Variants in SYNE1 observed in about 807,000 individuals in gnomAD.
SYNE1 encodes the protein spectrin repeat containing nuclear envelope protein 1, also known as nesprin-1.
SYNE1 carries 616 observed loss-of-function variants against 1,111.0 expected under a neutral mutation model. That is an observed-to-expected ratio of 0.55 (90% CI 0.52 to 0.59). The LOEUF (loss-of-function observed/expected upper bound fraction) is 0.59. Ranked by LOEUF, SYNE1 falls within the 20% of genes least tolerant of loss-of-function variation. The pLI, the probability that SYNE1 is intolerant of heterozygous loss-of-function variation, is 0.00. For missense variants in SYNE1, 10,006 were observed against 10,417.0 expected, an observed-to-expected ratio of 0.96 and a Z score of 1.72; for synonymous variants, 3,855 against 3,825.8, an observed-to-expected ratio of 1.01 and a Z score of -0.28.
chr6:152,278,815 T>G (rs1215772544), intron 97 of SYNE1, among the ~76,000 whole-genome samples: 1 of 152,094 alleles, frequency 6.6e-6, no homozygotes, highest in Non-Finnish European at 1.5e-5. Flanking sequence ...TTGCCCAGGC[T>G]GGAGTGCTTT....
At chr6:152,415,027 G>C (rs888642313) in intron 41 of SYNE1, among the ~76,000 whole-genome samples, 3 of 152,018 alleles carry the variant, frequency 2.0e-5, no homozygotes, top group African/African-American at 7.2e-5. Context: ...CTGGTTAAAA[G>C]GAAACAACCA....
chr6:152,160,850 T>C (rs905281794), intron 131 of SYNE1, among the ~76,000 whole-genome samples: 1 of 152,162 alleles, frequency 6.6e-6, no homozygotes. Flanking sequence ...TTTGCAGTTT[T>C]ACAGTGTGGC....
chr6:152,430,580 T>G lies in SYNE1; in HGVS notation c.4591A>C (p.Arg1531=). The G allele has an allele frequency of 6.2e-7, 1 of 1,614,184 alleles. No homozygotes were observed. Among genetic ancestry groups the G allele is most frequent in the East Asian group, 2.2e-5 (1 of 44,878 alleles). ...TGCTCTCGAAGCTCTTCCCCGTATCTTCTTATTTGTGTCAACTTGGCTTTA... is the reference window on the plus strand; with the variant it reads ...TGCTCTCGAAGCTCTTCCCCGTATCGTCTTATTTGTGTCAACTTGGCTTTA... ...RIKAKLTQIR[R]YGEELREHAQ... The change falls in exon 35 of 146, where the codon AGA becomes CGA. Residue 1531 remains arginine (R), a synonymous_variant. Coordinates refer to ENST00000367255, the MANE Select transcript of SYNE1 (RefSeq NM_182961.4).
intron 127 of SYNE1, among the ~76,000 whole-genome samples, chr6:152,190,836 A>T (rs2072060815): frequency 6.6e-6 from 1 of 152,182 alleles, no homozygotes; most frequent in African/African-American, 2.4e-5. Flanking sequence ...GTGAAAGTGG[A>T]CATCCTTGTT....
chr6:152,282,210 A>G (rs1417427482), intron 96 of SYNE1, among the ~76,000 whole-genome samples: 1 of 152,194 alleles, frequency 6.6e-6, no homozygotes, highest in African/African-American at 2.4e-5. Context: ...ATGTGTACCT[A>G]GAGTTGAACA....
chr6:152,354,723 A>T lies in SYNE1; in HGVS notation c.10862T>A (p.Val3621Asp), dbSNP rs2096803850. 1 of 1,614,088 alleles carries T rather than the reference A, an allele frequency of 6.2e-7. No homozygotes were observed. Among genetic ancestry groups the T allele is most frequent in the African/African-American group, 1.3e-5 (1 of 74,920 alleles). ...DEWLKTAEEK[V>D]SPRTRRQSNR... ...AGACTGACGTCTGGTCCTGGGACTA[A>T]CTTTCTCCTCTGCTGTTTTGAGCCA... is the stretch of plus-strand genomic sequence containing the variant. Residue 3621 changes from valine (V) to aspartate (D), a missense_variant, in exon 67 of 146, where the codon GTT becomes GAT. Physicochemically the swap from Val to Asp is radical, Grantham distance 152. Around this residue, in one of 7 missense-constraint regions of SYNE1, gnomAD observed 4,955 missense variants for 5,017.2 expected, o/e 0.99. Transcript: ENST00000367255.
rs755286822 is a variant in SYNE1, at chr6:152,369,633, T to A, written c.9508-19A>T. 1.9e-6 allele frequency: 3 copies of A among 1,614,044 alleles called. No individual in the cohort carries two copies. Among genetic ancestry groups the A allele is most frequent in the Non-Finnish European group, 2.5e-6 (3 of 1,179,970 alleles). On this transcript the variant is annotated intron_variant, in intron 59 of 145. Transcript: ENST00000367255. ...TTAGATTCTGCAAGGTTTTAGATAG[T>A]GTCCAGGACAAGAAAATATTTTAAT...
chr6:152,510,316 G>A lies in SYNE1; in HGVS notation c.458C>T (p.Ser153Phe), dbSNP rs1730389023. 1 of 1,614,058 alleles carries A rather than the reference G, an allele frequency of 6.2e-7. No individual in the cohort carries two copies. The highest frequency in any genetic ancestry group is 8.5e-7 in the Non-Finnish European group (1 of 1,179,978). Reference sequence around the variant, plus strand: ...AGAGCTAACTATGCTGTCCACGGAGGATGCGCTGCTGGACAAAGACTGGAG... The same window carrying A: ...AGAGCTAACTATGCTGTCCACGGAGAATGCGCTGCTGGACAAAGACTGGAG... ...PQLQSLSSSA[S>F]SVDSIVSSET... Residue 153 changes from serine (S) to phenylalanine (F), a missense_variant, in exon 8 of 146, where the codon TCC becomes TTC. By Grantham distance (155) the Ser-to-Phe change is radical. Coordinates refer to ENST00000367255, the MANE Select transcript of SYNE1 (RefSeq NM_182961.4).
At chr6:152,380,896 G>T in intron 56 of SYNE1, 110 bp downstream of exon 56, 1 of 985,908 alleles carries the variant, frequency 1.0e-6, no homozygotes, top group Non-Finnish European at 1.6e-6. Flanking sequence ...CTTCTTCCAA[G>T]TGTGCATGTT....
intron 127 of SYNE1, among the ~76,000 whole-genome samples, chr6:152,190,256 C>T (rs1462783766): frequency 6.6e-6 from 1 of 152,156 alleles, no homozygotes; most frequent in African/African-American, 2.4e-5. Context: ...AACTCAATCA[C>T]ATCTTCAGGC....
chr6:152,378,580 T>C (rs2097337415), intron 56 of SYNE1, among the ~76,000 whole-genome samples: 1 of 152,228 alleles, frequency 6.6e-6, no homozygotes, highest in South Asian at 2.1e-4. Context: ...GGGGTGGCAC[T>C]ACATCCTCCT....
intron 104 of SYNE1, among the ~76,000 whole-genome samples, chr6:152,251,924 G>A (rs947314048): frequency 2.0e-5 from 3 of 152,130 alleles, no homozygotes; most frequent in East Asian, 1.9e-4. Context: ...AGGGCAAAAA[G>A]GAGCAGGATT....
At chr6:152,586,170 A>T (rs1231119204) in intron 3 of SYNE1, among the ~76,000 whole-genome samples, 1 of 152,176 alleles carries the variant, frequency 6.6e-6, no homozygotes, top group Admixed American at 6.6e-5. Flanking sequence ...CTTCTTTTGT[A>T]GACTTTTTTC....
intron 145 of SYNE1, among the ~76,000 whole-genome samples, chr6:152,130,049 G>A (rs2055022438): frequency 6.6e-6 from 1 of 152,158 alleles, no homozygotes; most frequent in Non-Finnish European, 1.5e-5. Context: ...AGCGCGGAGT[G>A]GCAGCTGTGA....
chr6:152,368,925 T>C lies in SYNE1; in HGVS notation c.9807+47A>G, dbSNP rs768539073. The C allele has an allele frequency of 1.4e-5, 23 of 1,613,344 alleles. No individual in the cohort carries two copies. In the South Asian group the frequency reaches 2.3e-4, roughly 16 times the overall value. ...TGCAGAACCTGCTGCAACTCCAATT[T>C]TGCGACATCAGTATCACACTCACAC... is the stretch of plus-strand genomic sequence containing the variant. On this transcript the variant is annotated intron_variant, in intron 61 of 145. Coordinates refer to ENST00000367255, the MANE Select transcript of SYNE1 (RefSeq NM_182961.4).
At chr6:152,607,733 C>T (rs1255228159) in intron 3 of SYNE1, among the ~76,000 whole-genome samples, 8 of 152,160 alleles carry the variant, frequency 5.3e-5, no homozygotes, top group African/African-American at 1.9e-4. Flanking sequence ...TACATGCACA[C>T]ATATATTTAT....
intron 3 of SYNE1, among the ~76,000 whole-genome samples, chr6:152,559,141 T>C (rs932256339): frequency 6.6e-6 from 1 of 152,160 alleles, no homozygotes; most frequent in Non-Finnish European, 1.5e-5. Flanking sequence ...GCACTCACTG[T>C]TGCTTGGGCT....
intron 18 of SYNE1, among the ~76,000 whole-genome samples, 188 bp from the exon 19 acceptor site, chr6:152,463,705 T>G (rs912088092): frequency 6.6e-6 from 1 of 152,174 alleles, no homozygotes; most frequent in Non-Finnish European, 1.5e-5. Context: ...GATACTGTCT[T>G]TTTTTATAAG....
Position 152,396,856 on chromosome 6 carries a change from G to A in SYNE1, c.7475C>T (p.Ala2492Val). The A allele has an allele frequency of 6.2e-7, 1 of 1,614,082 alleles. No homozygotes were observed. Among genetic ancestry groups the A allele is most frequent in the Non-Finnish European group, 8.5e-7 (1 of 1,179,980 alleles). The change falls in exon 50 of 146, where the codon GCC becomes GTC. Residue 2492 changes from alanine to valine, a missense_variant. Ala to Val is a moderately conservative substitution (Grantham distance 64). Coordinates refer to ENST00000367255, the MANE Select transcript of SYNE1 (RefSeq NM_182961.4). ...VSSIQEQITK[A>V]NEEFQAFLKQ... Reference sequence around the variant, plus strand: ...CAGAAATGCTTGAAACTCTTCATTGGCCTTTGTGATTTGTTCTTGAATGCT... The same window carrying A: ...CAGAAATGCTTGAAACTCTTCATTGACCTTTGTGATTTGTTCTTGAATGCT...
Sources: gnomAD v4.1 joint callset for allele counts (sites outside exome capture counted in the v4.1 genomes callset) on GRCh38, gnomAD v4.1.1 for gene constraint, gnomAD v4.1.1 regional missense constraint, MANE v1.5 for transcripts, NCBI Gene and HGNC (gene_info 2026-07-23, HGNC 2026-07-21) for gene names.